Variants in RBFOX1 observed in about 807,000 individuals in gnomAD.
RBFOX1 encodes the protein RNA binding protein fox-1 homolog 1.
In RBFOX1, 8 loss-of-function variants were observed where a neutral mutation model predicts 57.7. That is an observed-to-expected ratio of 0.14 (90% confidence interval 0.08 to 0.25). RBFOX1 has a LOEUF of 0.25. RBFOX1 is among the 10% of genes least tolerant of loss of function. RBFOX1 has a pLI of 1.00. For synonymous variants in RBFOX1, 326 were observed against 222.4 expected, an observed-to-expected ratio of 1.47 and a Z score of -4.15; for missense variants, 611 against 548.5, an observed-to-expected ratio of 1.11 and a Z score of -1.14.
At chr16:7,368,728 T>G (rs1474546556) in intron 4 of RBFOX1, among the ~76,000 whole-genome samples, 1 of 149,414 alleles carries the variant, frequency 6.7e-6, no homozygotes, top group Non-Finnish European at 1.5e-5. Context: ...TGCAGTGAGC[T>G]GAGATCACGC....
intron 14 of RBFOX1, among the ~76,000 whole-genome samples, chr16:7,687,065 T>C (rs1203483622): frequency 6.6e-6 from 1 of 152,122 alleles, no homozygotes; most frequent in Admixed American, 6.6e-5. Flanking sequence ...TTTTCATGTG[T>C]TCCCCCTTTT....
intron 3 of RBFOX1, among the ~76,000 whole-genome samples, chr16:6,767,703 C>T (rs1230580676): frequency 6.6e-6 from 1 of 151,822 alleles, no homozygotes; most frequent in Non-Finnish European, 1.5e-5. Context: ...ATCACGAGAT[C>T]AGGAGTTCGA....
chr16:6,030,550 A>C (rs1457557629), intron 1 of RBFOX1, among the ~76,000 whole-genome samples: 2 of 152,210 alleles, frequency 1.3e-5, no homozygotes, highest in Non-Finnish European at 2.9e-5. Flanking sequence ...TACCTTTGCA[A>C]GGTACCTAAT....
intron 2 of RBFOX1, among the ~76,000 whole-genome samples, chr16:6,588,138 G>A (rs1296418811): frequency 6.6e-6 from 1 of 151,980 alleles, no homozygotes. Context: ...GGCTGAGGCA[G>A]GAGAATTGCT....
chr16:6,624,263 C>T (rs964217575), intron 2 of RBFOX1, among the ~76,000 whole-genome samples: 3 of 152,162 alleles, frequency 2.0e-5, no homozygotes, highest in Non-Finnish European at 2.9e-5. Flanking sequence ...TTAAATATCT[C>T]GTTGCTTCCT....
chr16:6,797,990 G>A (rs1214430173), intron 3 of RBFOX1, among the ~76,000 whole-genome samples: 3 of 152,134 alleles, frequency 2.0e-5, no homozygotes, highest in African/African-American at 7.2e-5. Flanking sequence ...CGGTGATGGT[G>A]ATGATGGGAA....
At chr16:6,953,563 C>T (rs1349426829) in intron 3 of RBFOX1, among the ~76,000 whole-genome samples, 1 of 151,960 alleles carries the variant, frequency 6.6e-6, no homozygotes, top group Non-Finnish European at 1.5e-5. Flanking sequence ...TGTGTTGTAT[C>T]TTTAGTAGAG....
chr16:7,001,948 TTTC>T lies in RBFOX1; in HGVS notation c.-15-50103_-15-50101del, dbSNP rs142728149. On this transcript the variant is annotated intron_variant, in intron 3 of 15. Coordinates refer to ENST00000550418, the MANE Select transcript of RBFOX1 (RefSeq NM_018723.4). ...CAGTTCTACTTTTTTTCTCCTGGAG[TTTC>T]TTCTTGTGCACACGATTGAGCACGT... 7.0e-3 allele frequency among the ~76,000 whole-genome samples: 1,059 copies of T among 151,978 alleles called. 13 individuals carry two copies. Among genetic ancestry groups the T allele is most frequent in the African/African-American group, 0.024 (993 of 41,442 alleles).
At chr16:6,777,211 G>A (rs539966231) in intron 3 of RBFOX1, among the ~76,000 whole-genome samples, 1 of 152,276 alleles carries the variant, frequency 6.6e-6, no homozygotes, top group African/African-American at 2.4e-5. Context: ...ATCTAGTACT[G>A]TAGGTAATTA....
chr16:7,098,178 T>A (rs1209578425), intron 4 of RBFOX1, among the ~76,000 whole-genome samples: 1 of 152,192 alleles, frequency 6.6e-6, no homozygotes, highest in African/African-American at 2.4e-5. Context: ...TATTTTTATT[T>A]ATTTATTTAG....
chr16:6,674,408 G>T (rs1476615827), intron 3 of RBFOX1, among the ~76,000 whole-genome samples: 2 of 151,766 alleles, frequency 1.3e-5, no homozygotes, highest in Non-Finnish European at 2.9e-5. Context: ...CTCAACCTCC[G>T]CCTCCTGGGT....
At chr16:5,856,829 G>A (rs2057084160) in intron 3 of RBFOX1, among the ~76,000 whole-genome samples, 1 of 151,534 alleles carries the variant, frequency 6.6e-6, no homozygotes, top group Non-Finnish European at 1.5e-5. Flanking sequence ...GAATGTTGTG[G>A]CTTATTTGAT....
At chr16:7,129,896 C>T (rs961597512) in intron 4 of RBFOX1, among the ~76,000 whole-genome samples, 26 of 151,880 alleles carry the variant, frequency 1.7e-4, no homozygotes, top group Non-Finnish European at 2.9e-4. Flanking sequence ...CAATGAATGA[C>T]CCTCTAGATG....
chr16:7,293,026 C>G (rs1050479767), intron 4 of RBFOX1, among the ~76,000 whole-genome samples: 4 of 152,228 alleles, frequency 2.6e-5, no homozygotes, highest in Non-Finnish European at 5.9e-5. Context: ...CAGAGAAAGT[C>G]TGGAACCAAG....
At chr16:7,004,483 G>C (rs2093124902) in intron 3 of RBFOX1, among the ~76,000 whole-genome samples, 1 of 152,158 alleles carries the variant, frequency 6.6e-6, no homozygotes, top group African/African-American at 2.4e-5. Context: ...CCCAGCCCAG[G>C]TTTGGAGGAT....
chr16:6,483,534 A>G (rs930587959), intron 2 of RBFOX1: 4 of 1,533,988 alleles, frequency 2.6e-6, no homozygotes, highest in Admixed American at 2.0e-5. Flanking sequence ...GTCGTGGGAG[A>G]TGCCCTTCAG....
chr16:5,688,090 G>A (rs1261250161), intron 3 of RBFOX1, among the ~76,000 whole-genome samples: 2 of 152,140 alleles, frequency 1.3e-5, no homozygotes, highest in African/African-American at 2.4e-5. Context: ...TTAACACATT[G>A]TGAAAAGTAT....
At chr16:7,235,907 C>T (rs1365494185) in intron 4 of RBFOX1, among the ~76,000 whole-genome samples, 5 of 152,152 alleles carry the variant, frequency 3.3e-5, no homozygotes, top group African/African-American at 1.2e-4. Context: ...GTCTCCTTGC[C>T]CTCCTGTGAA....
chr16:5,511,261 G>C (rs181332649), intron 2 of RBFOX1, among the ~76,000 whole-genome samples: 3 of 152,228 alleles, frequency 2.0e-5, no homozygotes, highest in Non-Finnish European at 4.4e-5. Flanking sequence ...GATGCTTGAC[G>C]TGACTTCAGA....
Sources: gnomAD v4.1 joint callset for allele counts (sites outside exome capture counted in the v4.1 genomes callset) on GRCh38, gnomAD v4.1.1 for gene constraint, MANE v1.5 for transcripts, NCBI Gene and HGNC (gene_info 2026-07-23, HGNC 2026-07-21) for gene names.